Variants in DIS3L2 observed in about 807,000 individuals in gnomAD.
The protein encoded by DIS3L2 is DIS3 like 3'-5' exoribonuclease 2.
DIS3L2 carries 34 observed loss-of-function variants against 97.5 expected under a neutral mutation model. That is an observed-to-expected ratio of 0.35 (90% CI 0.27 to 0.46). The LOEUF is 0.46. DIS3L2 is among the 20% of genes least tolerant of loss of function. DIS3L2 has a pLI of 1.00. For missense variants in DIS3L2, 1,038 were observed against 1,146.0 expected, an observed-to-expected ratio of 0.91 and a Z score of 1.36; for synonymous variants, 435 against 445.2, an observed-to-expected ratio of 0.98 and a Z score of 0.29.
intron 10 of DIS3L2, among the ~76,000 whole-genome samples, chr2:232,219,009 TCTC>T (rs1402579962): frequency 1.3e-5 from 2 of 152,202 alleles, no homozygotes; most frequent in Non-Finnish European, 2.9e-5. Flanking sequence ...GCTCTGCTGA[TCTC>T]CTGTGCCCTT....
chr2:232,142,086 G>T (rs939211202), intron 8 of DIS3L2, among the ~76,000 whole-genome samples: 11 of 152,190 alleles, frequency 7.2e-5, no homozygotes, highest in Admixed American at 5.2e-4. Flanking sequence ...GTTCTTTAAA[G>T]ATAGCTCTGA....
At chr2:232,170,751 A>G (rs1403148859) in intron 9 of DIS3L2, among the ~76,000 whole-genome samples, 4 of 152,204 alleles carry the variant, frequency 2.6e-5, no homozygotes, top group Non-Finnish European at 5.9e-5. Flanking sequence ...ATAGAAAACA[A>G]TGAGCTAAAA....
chr2:232,190,757 G>C (rs1221099746), intron 9 of DIS3L2, among the ~76,000 whole-genome samples: 1 of 152,188 alleles, frequency 6.6e-6, no homozygotes, highest in Non-Finnish European at 1.5e-5. Flanking sequence ...TATACATAGG[G>C]TGAGCATATA....
intron 9 of DIS3L2, among the ~76,000 whole-genome samples, chr2:232,201,094 C>T (rs949279133): frequency 6.6e-6 from 1 of 152,152 alleles, no homozygotes; most frequent in Non-Finnish European, 1.5e-5. Flanking sequence ...TTTTTGAGAG[C>T]AGGATATTCA....
intron 8 of DIS3L2, among the ~76,000 whole-genome samples, chr2:232,138,503 T>G (rs1313130175): frequency 6.6e-6 from 1 of 152,158 alleles, no homozygotes; most frequent in Non-Finnish European, 1.5e-5. Context: ...TAAAACATGG[T>G]AGGTTTTCCT....
intron 6 of DIS3L2, among the ~76,000 whole-genome samples, chr2:232,092,608 T>A (rs1696877928): frequency 6.6e-6 from 1 of 152,174 alleles, no homozygotes; most frequent in Non-Finnish European, 1.5e-5. Flanking sequence ...ATTGTATAGA[T>A]CTTTTACTTC....
intron 5 of DIS3L2, among the ~76,000 whole-genome samples, chr2:232,032,627 G>T (rs1238039234): frequency 2.0e-5 from 3 of 152,090 alleles, no homozygotes; most frequent in Admixed American, 1.3e-4. Context: ...GGGTTTTTAT[G>T]GTTTTAGGTC....
At chr2:232,189,601 G>C (rs1297337397) in intron 9 of DIS3L2, among the ~76,000 whole-genome samples, 1 of 152,210 alleles carries the variant, frequency 6.6e-6, no homozygotes, top group Admixed American at 6.5e-5. Context: ...GGAAGAAATT[G>C]GGTGCAATTG....
intron 3 of DIS3L2, among the ~76,000 whole-genome samples, chr2:232,018,099 GT>G (rs1694406267): frequency 6.6e-6 from 1 of 152,190 alleles, no homozygotes; most frequent in Admixed American, 6.5e-5. Flanking sequence ...AACTTCAGTT[GT>G]TAGAACTTGA....
At position 232,271,289 on chromosome 2, in the gene DIS3L2, G is replaced by A. The variant is rs370981474; in HGVS notation, c.1659+7849G>A. Among the ~76,000 whole-genome samples the A allele has an allele frequency of 1.6e-3, 249 of 152,306 alleles. 2 individuals are homozygous for A. The highest frequency in any genetic ancestry group is 5.4e-3 in the African/African-American group (226 of 41,556). ...GTTGTTGCATTCTCAGATCCTCAGA[G>A]AACATTTGTAACTTCACTAGTCTTT... On this transcript the variant is annotated intron_variant, in intron 13 of 20. Coordinates refer to ENST00000325385, the MANE Select transcript of DIS3L2 (RefSeq NM_152383.5).
chr2:231,993,379 G>A (rs2106193724), intron 1 of DIS3L2, among the ~76,000 whole-genome samples: 1 of 152,146 alleles, frequency 6.6e-6, no homozygotes, highest in Non-Finnish European at 1.5e-5. Flanking sequence ...ACGCCTGGCT[G>A]ATTTTTGTAT....
At chr2:232,175,075 C>T (rs930203402) in intron 9 of DIS3L2, among the ~76,000 whole-genome samples, 1 of 152,122 alleles carries the variant, frequency 6.6e-6, no homozygotes, top group South Asian at 2.1e-4. Flanking sequence ...GTGATCTGCC[C>T]GCCCCGGCCT....
chr2:232,296,036 G>C (rs1402255508), intron 13 of DIS3L2, among the ~76,000 whole-genome samples: 1 of 152,174 alleles, frequency 6.6e-6, no homozygotes, highest in Non-Finnish European at 1.5e-5. Flanking sequence ...ATAAACTTCA[G>C]AACTGTATGT....
At chr2:232,053,130 G>A (rs1309772641) in intron 5 of DIS3L2, among the ~76,000 whole-genome samples, 1 of 152,166 alleles carries the variant, frequency 6.6e-6, no homozygotes, top group Admixed American at 6.5e-5. Context: ...AGGAGACAAT[G>A]TCTGGTAACA....
chr2:232,197,005 C>T (rs948756871), intron 9 of DIS3L2, among the ~76,000 whole-genome samples: 3 of 152,078 alleles, frequency 2.0e-5, no homozygotes, highest in Admixed American at 1.3e-4. Context: ...GAAATGCATT[C>T]ACCACTTGCA....
intron 14 of DIS3L2, 26 bp from the exon 15 acceptor site, chr2:232,329,787 C>CCCGGGGGGACA: frequency 9.4e-7 from 1 of 1,062,210 alleles, no homozygotes; most frequent in Non-Finnish European, 1.3e-6. Context: ...CCCAGCGGTC[C>CCCGGGGGGACA]CTCCCATCCC....
intron 1 of DIS3L2, among the ~76,000 whole-genome samples, chr2:231,998,775 T>TAATTAGTATCGCA (rs1693796842): frequency 6.6e-6 from 1 of 152,250 alleles, no homozygotes; most frequent in Non-Finnish European, 1.5e-5. Context: ...TTGTTTTTTC[T>TAATTAGTATCGCA]AGATTTATCA....
At chr2:232,039,099 T>C (rs934288149) in intron 5 of DIS3L2, among the ~76,000 whole-genome samples, 1 of 152,182 alleles carries the variant, frequency 6.6e-6, no homozygotes, top group African/African-American at 2.4e-5. Context: ...TGCCTGACAA[T>C]TGCTTTTTGT....
intron 10 of DIS3L2, among the ~76,000 whole-genome samples, chr2:232,213,658 G>A (rs1434119668): frequency 2.4e-5 from 2 of 82,692 alleles, no homozygotes; most frequent in Non-Finnish European, 5.2e-5. Context: ...TATATCATCT[G>A]TAGTTTTTTT....
Sources: gnomAD v4.1 joint callset for allele counts (sites outside exome capture counted in the v4.1 genomes callset) on GRCh38, gnomAD v4.1.1 for gene constraint, MANE v1.5 for transcripts, NCBI Gene and HGNC (gene_info 2026-07-23, HGNC 2026-07-21) for gene names.